Variants in HS6ST3 observed in about 807,000 individuals in gnomAD.
HS6ST3 encodes the protein heparan-sulfate 6-O-sulfotransferase 3.
A neutral mutation model predicts 36.7 loss-of-function variants in HS6ST3; 12 were observed. The observed-to-expected ratio is 0.33, with a 90% CI of 0.21 to 0.53. The LOEUF is 0.53. Ranked by LOEUF, HS6ST3 falls within the 20% of genes least tolerant of loss-of-function variation. HS6ST3 has a pLI of 0.95. For synonymous variants in HS6ST3, 240 were observed against 257.5 expected (o/e 0.93, Z 0.65); for missense variants, 584 against 640.9 (o/e 0.91, Z 0.96).
chr13:96,111,617 C>T (rs996579641), intron 1 of HS6ST3, among the ~76,000 whole-genome samples: 4 of 152,232 alleles, frequency 2.6e-5, no homozygotes, highest in South Asian at 4.1e-4. Flanking sequence ...CATCCTGAAC[C>T]GTGTTTCCAC....
intron 1 of HS6ST3, among the ~76,000 whole-genome samples, chr13:96,381,516 C>T (rs2055341748): frequency 6.6e-6 from 1 of 152,010 alleles, no homozygotes; most frequent in African/African-American, 2.4e-5. Context: ...TATCTGGTTG[C>T]CTAGCTTCTC....
At chr13:96,386,216 C>T (rs1363997530) in intron 1 of HS6ST3, among the ~76,000 whole-genome samples, 1 of 152,270 alleles carries the variant, frequency 6.6e-6, no homozygotes, top group East Asian at 1.9e-4. Flanking sequence ...TAAATATTGA[C>T]GTGGCAGGAA....
rs2053756327 is a variant in HS6ST3, at chr13:96,090,646, G to A, written c.-217G>A. ...CCACGCCGCAGCCGCAGCCGAGCGC[G>A]CCGGCGCCCGCCTCCCCCGCCCGGC... is the stretch of plus-strand genomic sequence containing the variant. On this transcript the variant is annotated 5_prime_UTR_variant, in exon 1 of 2. Transcript: ENST00000376705. Among the ~76,000 whole-genome samples, 6 of 146,356 alleles carry A rather than the reference G, an allele frequency of 4.1e-5. No homozygotes were observed. In the South Asian group the frequency reaches 1.3e-3, roughly 31 times the overall value.
intron 1 of HS6ST3, among the ~76,000 whole-genome samples, chr13:96,259,274 A>G (rs1361821927): frequency 6.6e-6 from 1 of 152,108 alleles, no homozygotes; most frequent in Non-Finnish European, 1.5e-5. Context: ...TCAAGACATG[A>G]TAAGGCACCT....
intron 1 of HS6ST3, among the ~76,000 whole-genome samples, chr13:96,714,319 A>G (rs1018353210): frequency 6.6e-6 from 1 of 152,180 alleles, no homozygotes; most frequent in Admixed American, 6.5e-5. Context: ...AAAAAACACA[A>G]TTGAAAAATG....
At chr13:96,377,508 A>G (rs2055320651) in intron 1 of HS6ST3, among the ~76,000 whole-genome samples, 1 of 152,196 alleles carries the variant, frequency 6.6e-6, no homozygotes, top group South Asian at 2.1e-4. Flanking sequence ...TATTATTTAG[A>G]TCTTCTAGAC....
chr13:96,108,285 G>A (rs2053851529), intron 1 of HS6ST3, among the ~76,000 whole-genome samples: 1 of 152,186 alleles, frequency 6.6e-6, no homozygotes, highest in African/African-American at 2.4e-5. Context: ...AGGCTTGCTA[G>A]GATTAGGAAA....
chr13:96,399,465 C>T (rs1335446912), intron 1 of HS6ST3, among the ~76,000 whole-genome samples: 3 of 152,150 alleles, frequency 2.0e-5, no homozygotes, highest in South Asian at 4.1e-4. Flanking sequence ...CATTGCATAG[C>T]CTCTATGCAT....
In HS6ST3 at chr13:96,105,372, C is replaced by G. The variant is rs181289251; in HGVS notation, c.707+13803C>G. Among the ~76,000 whole-genome samples the G allele has an allele frequency of 3.9e-3, 595 of 152,280 alleles. 2 individuals carry two copies. The highest frequency in any genetic ancestry group is 0.017 in the Middle Eastern group (5 of 294). ...TTATAATTTAAGTAATATTATAGGC[C>G]AGGCACAATGGCTCACACCTATAAT... is the stretch of plus-strand genomic sequence containing the variant. On this transcript the variant is annotated intron_variant, in intron 1 of 1. Coordinates refer to ENST00000376705, the MANE Select transcript of HS6ST3 (RefSeq NM_153456.4).
chr13:96,091,148 G>A lies in HS6ST3; in HGVS notation c.286G>A (p.Gly96Arg). Residue 96 changes from glycine (G) to arginine (R), a missense_variant, in exon 1 of 2, where the codon GGA becomes AGA. By Grantham distance (125) the Gly-to-Arg change is moderately radical (BLOSUM62 -2). This residue lies in a region of HS6ST3 where 217 missense variants were observed against 205.4 expected (regional missense o/e 1.06). Coordinates refer to ENST00000376705, the MANE Select transcript of HS6ST3 (RefSeq NM_153456.4). ...AAPEEEDEEPGDPREGEEEEE... is the reference protein window; with the variant it reads ...AAPEEEDEEPRDPREGEEEEE... The stretch of plus-strand genomic sequence containing the variant: ...GCCGGAGGAGGAGGACGAGGAGCCC[G>A]GAGACCCCCGGGAGGGGGAGGAAGA... 2 of 1,521,066 alleles carry A rather than the reference G, an allele frequency of 1.3e-6. No homozygotes were observed. The highest frequency in any genetic ancestry group is 1.8e-6 in the Non-Finnish European group (2 of 1,133,184). 94.2% of individuals were successfully genotyped at this position (1,521,066 alleles called of 1,614,324 possible).
At chr13:96,562,852 A>G (rs1015701525) in intron 1 of HS6ST3, among the ~76,000 whole-genome samples, 1 of 152,080 alleles carries the variant, frequency 6.6e-6, no homozygotes, top group Non-Finnish European at 1.5e-5. Flanking sequence ...GAGCTCTGAA[A>G]GCATCTCTGG....
At chr13:96,159,494 G>C (rs986311674) in intron 1 of HS6ST3, among the ~76,000 whole-genome samples, 2 of 152,114 alleles carry the variant, frequency 1.3e-5, no homozygotes, top group Non-Finnish European at 1.5e-5. Flanking sequence ...AGAGAATTCC[G>C]GGTCACATCT....
At chr13:96,340,439 G>T (rs2055124328) in intron 1 of HS6ST3, among the ~76,000 whole-genome samples, 1 of 152,224 alleles carries the variant, frequency 6.6e-6, no homozygotes, top group Non-Finnish European at 1.5e-5. Context: ...TAATCCCTGT[G>T]ACATAGGGTT....
At chr13:96,669,382 T>C (rs985093893) in intron 1 of HS6ST3, among the ~76,000 whole-genome samples, 8 of 152,148 alleles carry the variant, frequency 5.3e-5, no homozygotes, top group African/African-American at 1.7e-4. Context: ...AGGAAAGACA[T>C]GTCTTGAAAT....
intron 1 of HS6ST3, among the ~76,000 whole-genome samples, chr13:96,312,706 C>G (rs899599601): frequency 6.6e-6 from 1 of 152,034 alleles, no homozygotes; most frequent in South Asian, 2.1e-4. Context: ...AATCCTAGCA[C>G]TTTGGGAGGC....
chr13:96,239,552 C>G (rs1248486329), intron 1 of HS6ST3, among the ~76,000 whole-genome samples: 2 of 152,172 alleles, frequency 1.3e-5, no homozygotes, highest in Non-Finnish European at 2.9e-5. Context: ...GCAAGGCATT[C>G]ATTTGTTTTA....
intron 1 of HS6ST3, among the ~76,000 whole-genome samples, chr13:96,209,563 A>G (rs1226789981): frequency 6.6e-6 from 1 of 152,200 alleles, no homozygotes; most frequent in African/African-American, 2.4e-5. Context: ...CCTTTTTGGG[A>G]GAATTTCTAG....
intron 1 of HS6ST3, among the ~76,000 whole-genome samples, chr13:96,145,116 GTGTGCA>G (rs1331188872): frequency 1.4e-4 from 14 of 98,882 alleles, no homozygotes; most frequent in African/African-American, 2.3e-4. Flanking sequence ...ATACGTGTGC[GTGTGCA>G]TGTGTCTTTA....
chr13:96,524,066 T>C (rs2056104330), intron 1 of HS6ST3, among the ~76,000 whole-genome samples: 1 of 152,210 alleles, frequency 6.6e-6, no homozygotes, highest in Admixed American at 6.5e-5. Context: ...TTCTTGTTGA[T>C]GTTGATGCTA....
Sources: gnomAD v4.1 joint callset for allele counts (sites outside exome capture counted in the v4.1 genomes callset) on GRCh38, gnomAD v4.1.1 for gene constraint, gnomAD v4.1.1 regional missense constraint, MANE v1.5 for transcripts, NCBI Gene and HGNC (gene_info 2026-07-23, HGNC 2026-07-21) for gene names.